FHIT: variants seen among roughly 807,000 people sequenced by gnomAD.
FHIT encodes bis(5'-adenosyl)-triphosphatase.
Under a neutral mutation model 17.9 loss-of-function variants are expected in FHIT, and 19 were observed. The ratio of observed to expected loss-of-function variants is 1.06; its 90% CI spans 0.74 to 1.56. FHIT has a LOEUF of 1.56. FHIT is among the 40% of genes most tolerant of loss of function. FHIT has a pLI of 0.00. For synonymous variants in FHIT, 81 were observed against 69.7 expected, an observed-to-expected ratio of 1.16 and a Z score of -0.81; for missense variants, 248 against 189.2, an observed-to-expected ratio of 1.31 and a Z score of -1.82.
intron 5 of FHIT, among the ~76,000 whole-genome samples, chr3:60,277,918 C>T (rs1209751714): frequency 6.6e-6 from 1 of 151,906 alleles, no homozygotes; most frequent in African/African-American, 2.4e-5. Context: ...ATATTTACGA[C>T]AAGGAAAAAA....
At chr3:60,274,002 T>C (rs1267729793) in intron 5 of FHIT, among the ~76,000 whole-genome samples, 2 of 152,224 alleles carry the variant, frequency 1.3e-5, no homozygotes, top group Non-Finnish European at 2.9e-5. Context: ...AACACAACTA[T>C]GACAAATTAC....
At chr3:60,769,817 A>G (rs1699981442) in intron 4 of FHIT, among the ~76,000 whole-genome samples, 1 of 152,202 alleles carries the variant, frequency 6.6e-6, no homozygotes. Flanking sequence ...TTTGTCTGTT[A>G]AGCTAGGTTA....
At chr3:60,396,347 A>C (rs1205093904) in intron 5 of FHIT, among the ~76,000 whole-genome samples, 3 of 152,192 alleles carry the variant, frequency 2.0e-5, no homozygotes, top group African/African-American at 7.2e-5. Context: ...GGGAAGGAGT[A>C]AATCCCCTTG....
At chr3:60,521,317 G>A (rs202013372) in intron 5 of FHIT, among the ~76,000 whole-genome samples, 4 of 152,036 alleles carry the variant, frequency 2.6e-5, no homozygotes, top group East Asian at 1.9e-4. Flanking sequence ...GCATGATCTC[G>A]GCTCACTGCA....
intron 1 of FHIT, among the ~76,000 whole-genome samples, chr3:61,219,327 A>ATGTGTGTGTGTG (rs72023729): frequency 4.8e-4 from 70 of 146,994 alleles, no homozygotes; most frequent in Admixed American, 1.6e-3. Context: ...AAATCTAAAA[A>ATGTGTGTGTGTG]TGTGTGTGTG....
chr3:60,105,147 T>C (rs1299147837), intron 5 of FHIT, among the ~76,000 whole-genome samples: 2 of 152,150 alleles, frequency 1.3e-5, no homozygotes, highest in African/African-American at 2.4e-5. Context: ...AGGTTATTGT[T>C]TGGATACAAA....
At chr3:60,129,319 G>A (rs981697440) in intron 5 of FHIT, among the ~76,000 whole-genome samples, 3 of 152,000 alleles carry the variant, frequency 2.0e-5, no homozygotes, top group African/African-American at 4.8e-5. Context: ...TGGGATTACA[G>A]GCATGAGCCA....
chr3:60,172,778 T>C (rs868405823), intron 5 of FHIT, among the ~76,000 whole-genome samples: 13 of 152,160 alleles, frequency 8.5e-5, no homozygotes, highest in South Asian at 8.3e-4. Context: ...CAAGCAGGAC[T>C]GTCCAGGCTG....
At chr3:60,847,196 C>T (rs1250532038) in intron 3 of FHIT, among the ~76,000 whole-genome samples, 2 of 152,216 alleles carry the variant, frequency 1.3e-5, no homozygotes, top group African/African-American at 2.4e-5. Context: ...TAGGGTGCTA[C>T]ATTTTAATCT....
intron 8 of FHIT, among the ~76,000 whole-genome samples, chr3:59,866,249 A>T (rs1210761189): frequency 6.6e-6 from 1 of 152,192 alleles, no homozygotes; most frequent in Non-Finnish European, 1.5e-5. Context: ...TGTGAGATCC[A>T]GGAAGAACCA....
intron 2 of FHIT, among the ~76,000 whole-genome samples, chr3:61,088,336 T>G (rs1227559619): frequency 6.6e-6 from 1 of 152,180 alleles, no homozygotes; most frequent in African/African-American, 2.4e-5. Context: ...AGAATAGCAG[T>G]GACCAAGTTA....
At chr3:60,924,268 G>A (rs1222638080) in intron 3 of FHIT, among the ~76,000 whole-genome samples, 2 of 152,154 alleles carry the variant, frequency 1.3e-5, no homozygotes, top group Non-Finnish European at 2.9e-5. Context: ...TCCTCAAGTG[G>A]GTCCCTGACC....
chr3:60,706,293 G>C (rs1327010879), intron 4 of FHIT, among the ~76,000 whole-genome samples: 2 of 152,020 alleles, frequency 1.3e-5, no homozygotes, highest in African/African-American at 4.8e-5. Context: ...TGCATGCGGG[G>C]CTTAAAACCT....
At chr3:60,499,453 G>A (rs541576195) in intron 5 of FHIT, among the ~76,000 whole-genome samples, 16 of 152,176 alleles carry the variant, frequency 1.1e-4, no homozygotes, top group African/African-American at 3.1e-4. Flanking sequence ...GGGCAGTGGC[G>A]AGATCTCGGC....
intron 7 of FHIT, among the ~76,000 whole-genome samples, chr3:59,999,781 T>C (rs1392083276): frequency 9.9e-5 from 15 of 152,078 alleles, no homozygotes; most frequent in Non-Finnish European, 7.4e-5. Flanking sequence ...CTAATTTTTG[T>C]AGTTTTAGTA....
At chr3:61,091,994 C>T (rs1251798105) in intron 2 of FHIT, among the ~76,000 whole-genome samples, 1 of 136,612 alleles carries the variant, frequency 7.3e-6, no homozygotes, top group East Asian at 2.5e-4. Flanking sequence ...CCCAGGAATT[C>T]ATGGTCAGTT....
intron 5 of FHIT, among the ~76,000 whole-genome samples, chr3:60,377,394 T>G (rs569909095): frequency 7.6e-4 from 115 of 150,804 alleles, no homozygotes; most frequent in African/African-American, 2.8e-3. Context: ...CTTGACCTTG[T>G]GATCCTCCCG....
At chr3:60,539,379 G>A (rs1299736327) in intron 4 of FHIT, among the ~76,000 whole-genome samples, 5 of 152,212 alleles carry the variant, frequency 3.3e-5, no homozygotes, top group Non-Finnish European at 7.3e-5. Flanking sequence ...GTGGAAGACA[G>A]TGTGGTGATT....
rs541675437 is a variant in FHIT, at chr3:60,447,420, G to T, written c.103+89440C>A. Reference sequence around the variant, plus strand: ...TGTTACATAGGAATTATTTTGTTAAGAATTAGCTTCAAATATGATAATACA... The same window carrying T: ...TGTTACATAGGAATTATTTTGTTAATAATTAGCTTCAAATATGATAATACA... On this transcript the variant is annotated intron_variant, in intron 5 of 9. Coordinates refer to ENST00000492590, the MANE Select transcript of FHIT (RefSeq NM_002012.4). Among the ~76,000 whole-genome samples the T allele has an allele frequency of 1.0e-3, 155 of 152,172 alleles. 1 individual carries two copies. The highest frequency in any genetic ancestry group is 8.5e-3 in the South Asian group (41 of 4,822).
Sources: allele counts gnomAD v4.1 joint callset (sites outside exome capture counted in the v4.1 genomes callset), GRCh38; gene constraint gnomAD v4.1.1; transcripts MANE v1.5; gene names NCBI Gene and HGNC (gene_info 2026-07-23, HGNC 2026-07-21).